TASP1: variants seen among roughly 807,000 people sequenced by gnomAD.
TASP1 encodes the protein threonine aspartase 1.
In TASP1, 16 loss-of-function variants were observed where a neutral mutation model predicts 56.6. That is an observed-to-expected ratio of 0.28 (90% CI 0.19 to 0.43). The LOEUF (loss-of-function observed/expected upper bound fraction) is 0.43. Among genes scored for constraint, TASP1 ranks in the 20% least tolerant of loss-of-function variants. The pLI is 1.00. For missense variants in TASP1, 393 were observed against 511.6 expected (o/e 0.77, Z 2.24); for synonymous variants, 179 against 184.2 (o/e 0.97, Z 0.23).
At chr20:13,198,324 C>T in the TASP1 span, among the ~76,000 whole-genome samples, 1 of 151,982 alleles carries the variant, frequency 6.6e-6, no homozygotes, top group African/African-American at 2.4e-5. Context: ...CTGATGAGGG[C>T]CCAGTTCCCA....
At chr20:13,474,728 T>C (rs769450836) in intron 11 of TASP1, among the ~76,000 whole-genome samples, 1 of 152,224 alleles carries the variant, frequency 6.6e-6, no homozygotes, top group Non-Finnish European at 1.5e-5. Flanking sequence ...TCCATAATGA[T>C]TGCACAAATT....
At chr20:13,121,117 C>T in the TASP1 span, among the ~76,000 whole-genome samples, 1 of 152,206 alleles carries the variant, frequency 6.6e-6, no homozygotes, top group Non-Finnish European at 1.5e-5. Context: ...ATGCCGAAGA[C>T]CCCAAACTTT....
At chr20:13,260,331 G>A in the TASP1 span, among the ~76,000 whole-genome samples, 2 of 152,200 alleles carry the variant, frequency 1.3e-5, no homozygotes, top group African/African-American at 4.8e-5. Flanking sequence ...AAGGAGAACT[G>A]TTAAGTCTCA....
Position 13,390,235 on chromosome 20 carries a change from G to C in TASP1, c.*125C>G, listed in dbSNP as rs2041222251. On this transcript the variant is annotated 3_prime_UTR_variant, in exon 14 of 14. Coordinates refer to ENST00000337743, the MANE Select transcript of TASP1 (RefSeq NM_017714.3). ...AACTACAGCAGCACTTGTGTCTCGA[G>C]CAGTGCACGAGGTTGCAATAGGAAT... 4 of 821,136 alleles carry C rather than the reference G, an allele frequency of 4.9e-6. No individual in the cohort carries two copies. The highest frequency in any genetic ancestry group is 7.7e-6 in the Non-Finnish European group (4 of 519,432). 50.9% of individuals were successfully genotyped at this position (821,136 alleles called of 1,614,324 possible).
At chr20:13,210,589 G>C in the TASP1 span, among the ~76,000 whole-genome samples, 1 of 150,710 alleles carries the variant, frequency 6.6e-6, no homozygotes, top group Admixed American at 6.6e-5. Context: ...GCAGATAAAT[G>C]GGTTGTTGTG....
chr20:13,409,795 A>C (rs1184581488), intron 13 of TASP1, among the ~76,000 whole-genome samples: 1 of 152,190 alleles, frequency 6.6e-6, no homozygotes, highest in African/African-American at 2.4e-5. Flanking sequence ...TGGGGTATCC[A>C]TCACCTTGAG....
chr20:13,382,637 C>T, the TASP1 span, among the ~76,000 whole-genome samples: 5 of 152,114 alleles, frequency 3.3e-5, no homozygotes, highest in Admixed American at 3.3e-4. Context: ...CAGAGGGAGA[C>T]CTTGTCTCAA....
chr20:13,284,395 G>C, the TASP1 span, among the ~76,000 whole-genome samples: 4 of 152,194 alleles, frequency 2.6e-5, no homozygotes, highest in African/African-American at 9.7e-5. Context: ...GTTATTTGAT[G>C]TCACAGCCAG....
At chr20:13,191,135 T>C in the TASP1 span, among the ~76,000 whole-genome samples, 1 of 152,142 alleles carries the variant, frequency 6.6e-6, no homozygotes, top group Non-Finnish European at 1.5e-5. Context: ...TATATACTGT[T>C]AGCGGGAATA....
At chr20:13,208,535 T>C in the TASP1 span, among the ~76,000 whole-genome samples, 2 of 152,200 alleles carry the variant, frequency 1.3e-5, no homozygotes, top group African/African-American at 4.8e-5. Context: ...TGTATAAGTC[T>C]TCCTATCAGG....
At chr20:13,129,498 C>G in the TASP1 span, among the ~76,000 whole-genome samples, 1 of 152,204 alleles carries the variant, frequency 6.6e-6, no homozygotes, top group African/African-American at 2.4e-5. Context: ...TGCAAGTTAA[C>G]TGAATTGTCT....
the TASP1 span, among the ~76,000 whole-genome samples, chr20:13,209,698 A>G: frequency 2.0e-5 from 3 of 152,226 alleles, no homozygotes; most frequent in Non-Finnish European, 4.4e-5. Flanking sequence ...TCTGCCATTT[A>G]TCTAGCTTAT....
intron 7 of TASP1, among the ~76,000 whole-genome samples, chr20:13,567,352 T>C (rs1481932663): frequency 6.6e-6 from 1 of 152,124 alleles, no homozygotes; most frequent in Non-Finnish European, 1.5e-5. Context: ...CTAAATAGTC[T>C]GTACAACAAA....
intron 9 of TASP1, among the ~76,000 whole-genome samples, chr20:13,532,978 C>T (rs2045280064): frequency 6.6e-6 from 1 of 152,188 alleles, no homozygotes; most frequent in East Asian, 1.9e-4. Flanking sequence ...CAGCCCCTTG[C>T]ACACTAGGCA....
At chr20:13,136,586 T>G in the TASP1 span, among the ~76,000 whole-genome samples, 2 of 147,154 alleles carry the variant, frequency 1.4e-5, no homozygotes, top group Non-Finnish European at 3.0e-5. Flanking sequence ...GGCAACAGAG[T>G]GAGACCTCAT....
the TASP1 span, among the ~76,000 whole-genome samples, chr20:13,329,093 T>C: frequency 6.6e-6 from 1 of 152,228 alleles, no homozygotes; most frequent in Non-Finnish European, 1.5e-5. Flanking sequence ...GGATCCTGCA[T>C]GTTATATTGG....
chr20:13,404,269 G>A (rs1258311573), intron 13 of TASP1, among the ~76,000 whole-genome samples: 3 of 152,198 alleles, frequency 2.0e-5, no homozygotes, highest in African/African-American at 7.2e-5. Flanking sequence ...ATTTAGCTTT[G>A]TGAGGGTTTA....
At chr20:13,592,878 C>A (rs764818342) in intron 4 of TASP1, among the ~76,000 whole-genome samples, 5 of 152,112 alleles carry the variant, frequency 3.3e-5, no homozygotes, top group African/African-American at 4.8e-5. Flanking sequence ...AACATCATCC[C>A]TCTTGAATAT....
chr20:13,181,357 C>A, the TASP1 span, among the ~76,000 whole-genome samples: 3 of 152,168 alleles, frequency 2.0e-5, no homozygotes, highest in African/African-American at 7.2e-5. Context: ...TCCACTCTCT[C>A]ATCATGCTTC....
Sources: allele counts gnomAD v4.1 joint callset (sites outside exome capture counted in the v4.1 genomes callset), GRCh38; gene constraint gnomAD v4.1.1; transcripts MANE v1.5; gene names NCBI Gene and HGNC (gene_info 2026-07-23, HGNC 2026-07-21).